Variants in CLEC1B observed in about 807,000 individuals in gnomAD.
CLEC1B encodes the protein C-type lectin domain family 1 member B.
Under a neutral mutation model 26.7 loss-of-function variants are expected in CLEC1B, and 26 were observed. That is an observed-to-expected ratio of 0.97 (90% CI 0.71 to 1.35). The LOEUF (loss-of-function observed/expected upper bound fraction) is 1.35, where lower values mean the gene tolerates loss of function less well. Among genes scored for constraint, CLEC1B ranks in the 40% most tolerant of loss-of-function variants. The probability of loss-of-function intolerance (pLI) is 0.00; values close to 1 mark genes in which losing one functional copy is unlikely to be tolerated. For synonymous variants in CLEC1B, 112 were observed against 96.0 expected, an observed-to-expected ratio of 1.17 and a Z score of -0.97; for missense variants, 293 against 282.6, an observed-to-expected ratio of 1.04 and a Z score of -0.26.
At position 9,996,851 on chromosome 12, in the gene CLEC1B, T is replaced by C. The variant is rs367906128; in HGVS notation, c.433A>G (p.Ile145Val). 1.2e-6 allele frequency: 2 copies of C among 1,613,928 alleles called. No homozygotes were observed. The highest frequency in any genetic ancestry group is 2.7e-5 in the African/African-American group (2 of 74,930). ...ATLLKIDNRN[I>V]VEYIKARTHL... is the part of the protein sequence containing the mutation. ...TGACATAAGAATCTTCTTACCACAATGTTCCGGTTGTCAATCTTCAGGAGA... is the reference window on the plus strand; with the variant it reads ...TGACATAAGAATCTTCTTACCACAACGTTCCGGTTGTCAATCTTCAGGAGA... The change falls in exon 4 of 6, where the codon ATT becomes GTT. Residue 145 changes from isoleucine to valine, a missense_variant. Transcript: ENST00000298527.
intron 4 of CLEC1B, chr12:9,995,603 T>C (rs1333505352): frequency 1.5e-5 from 5 of 342,282 alleles, no homozygotes; most frequent in Non-Finnish European, 2.8e-5. Flanking sequence ...AAGAAATACA[T>C]TGTTGATGAG....
rs202115320 is a variant in CLEC1B, at chr12:9,993,168, A to T, written c.665T>A (p.Met222Lys). Residue 222 changes from methionine (M) to lysine (K), a missense_variant, in exon 6 of 6, where the codon ATG becomes AAG. By Grantham distance (95) the Met-to-Lys change is moderately conservative (BLOSUM62 -1). Coordinates refer to ENST00000298527, the MANE Select transcript of CLEC1B (RefSeq NM_016509.4). Reference sequence around the variant, plus strand: ...TTAAGGTAGTTGGTCCACCTTGGTCATGCCAGCCTTCCTCTCACACATTAA... The same window carrying T: ...TTAAGGTAGTTGGTCCACCTTGGTCTTGCCAGCCTTCCTCTCACACATTAA... Reference protein sequence around the residue: ...HYLMCERKAGMTKVDQLP With the variant: ...HYLMCERKAGKTKVDQLP 1.1e-4 allele frequency: 181 copies of T among 1,611,636 alleles called. No homozygotes were observed. The highest frequency in any genetic ancestry group is 1.5e-4 in the Non-Finnish European group (171 of 1,178,826).
upstream of CLEC1B, among the ~76,000 whole-genome samples, chr12:10,000,622 G>A (rs1217665144): frequency 2.6e-5 from 4 of 152,138 alleles, no homozygotes; most frequent in Admixed American, 2.6e-4. Context: ...ATATTCAGGG[G>A]TTCCCAATCA....
Position 9,997,235 on chromosome 12 carries a change from T to C in CLEC1B, c.208A>G (p.Thr70Ala), listed in dbSNP as rs1230571774. ...NYLQGENENRTGTLQQLAKRF... is the reference protein window; with the variant it reads ...NYLQGENENRAGTLQQLAKRF... ...TTTGCTAATTGTTGCAGAGTTCCTG[T>C]GCGATTTTCATTCTCACCTTGTAGG... Residue 70 changes from threonine (T) to alanine (A), a missense_variant, in exon 3 of 6, where the codon ACA becomes GCA. Thr to Ala is a moderately conservative substitution (Grantham distance 58). Coordinates refer to ENST00000298527, the MANE Select transcript of CLEC1B (RefSeq NM_016509.4). The C allele has an allele frequency of 4.3e-6, 7 of 1,613,640 alleles. No homozygotes were observed. The Admixed American group carries it at 5.0e-5, about 12-fold the overall frequency.
At chr12:9,993,494 T>C (rs202000623) in intron 5 of CLEC1B, among the ~76,000 whole-genome samples, 52 of 152,238 alleles carry the variant, frequency 3.4e-4, no homozygotes, top group South Asian at 6.2e-4. Flanking sequence ...AATATCAATT[T>C]CATTTAGCAT....
upstream of CLEC1B, among the ~76,000 whole-genome samples, chr12:10,000,868 G>C (rs1187162920): frequency 6.6e-6 from 1 of 152,032 alleles, no homozygotes; most frequent in African/African-American, 2.4e-5. Flanking sequence ...CGTTCTTTTG[G>C]TCACTGCTTT....
chr12:10,001,606 T>C (rs567645365), upstream of CLEC1B, among the ~76,000 whole-genome samples: 11 of 152,304 alleles, frequency 7.2e-5, no homozygotes, highest in Middle Eastern at 6.8e-3. Context: ...CTTGATAACA[T>C]TGAGTTCTAA....
At chr12:9,998,900 T>A (rs1412254416) in intron 1 of CLEC1B, 137 bp downstream of exon 1, 1 of 558,008 alleles carries the variant, frequency 1.8e-6, no homozygotes, top group Non-Finnish European at 3.1e-6. Context: ...AAAACACTAC[T>A]CAAATGCTTT....
At chr12:9,993,396 GA>G (rs1210022004) in intron 5 of CLEC1B, 109 bp from the exon 6 acceptor site, 29 of 313,162 alleles carry the variant, frequency 9.3e-5, no homozygotes, top group East Asian at 5.1e-4. Flanking sequence ...AGGAAAATAG[GA>G]AAAAAAAACA....
chr12:9,995,205 T>C lies in CLEC1B; in HGVS notation c.480A>G (p.Gly160=). 6.2e-7 allele frequency: 1 copy of C among 1,613,192 alleles called. No individual in the cohort carries two copies. Among genetic ancestry groups the C allele is most frequent in the South Asian group, 1.1e-5 (1 of 91,082 alleles). ...KARTHLIRWV[G]LSRQKSNEVW... is the part of the protein sequence containing the mutation. ...CCTCATTCGACTTCTGGCGAGATAATCCGACCCAACGAATTAAATGAGTCC... is the reference window on the plus strand; with the variant it reads ...CCTCATTCGACTTCTGGCGAGATAACCCGACCCAACGAATTAAATGAGTCC... Residue 160 remains glycine (G), a synonymous_variant, in exon 5 of 6, where the codon GGA becomes GGG. Coordinates refer to ENST00000298527, the MANE Select transcript of CLEC1B (RefSeq NM_016509.4).
At chr12:10,000,499 T>A (rs946515885), upstream of CLEC1B, among the ~76,000 whole-genome samples, 1 of 151,418 alleles carries the variant, frequency 6.6e-6, no homozygotes, top group African/African-American at 2.4e-5. Flanking sequence ...AATTCTTAAT[T>A]AAAAAAAAAC....
At chr12:9,998,449 G>A (rs1365036790) in intron 1 of CLEC1B, 69 bp from the exon 2 acceptor site, 1 of 1,052,778 alleles carries the variant, frequency 9.5e-7, no homozygotes, top group Non-Finnish European at 1.5e-6. Context: ...GCTCACCCCT[G>A]CCCCTGCCCC....
At chr12:9,998,644 TTTTTGTTTTGTTTTG>T (rs71049030) in intron 1 of CLEC1B, among the ~76,000 whole-genome samples, 1 of 145,616 alleles carries the variant, frequency 6.9e-6, no homozygotes, top group African/African-American at 2.6e-5. Context: ...GTGTTTGTAT[TTTTTGTTTTGTTTTG>T]TTTTGTTTTG....
rs1396324945 is a variant in CLEC1B, at chr12:9,993,225, A to G, written c.608T>C (p.Met203Thr). The change falls in exon 6 of 6, where the codon ATG becomes ACG. Residue 203 changes from methionine to threonine, a missense_variant. By Grantham distance (81) the Met-to-Thr change is moderately conservative. Coordinates refer to ENST00000298527, the MANE Select transcript of CLEC1B (RefSeq NM_016509.4). ...TTTGTTCTCACAGAAGGTAGGGTGCATTTTCCCATTATGAAAATAAGCACA... is the reference window on the plus strand; with the variant it reads ...TTTGTTCTCACAGAAGGTAGGGTGCGTTTTCCCATTATGAAAATAAGCACA... ...MNCAYFHNGK[M>T]HPTFCENKHY... is the part of the protein sequence containing the mutation. 2.5e-6 allele frequency: 4 copies of G among 1,612,862 alleles called. No individual in the cohort carries two copies. Among genetic ancestry groups the G allele is most frequent in the Non-Finnish European group, 3.4e-6 (4 of 1,179,092 alleles).
rs777563676 is a variant in CLEC1B, at chr12:9,998,289, C to T, written c.156G>A (p.Gly52=). ...GGCAGAGTCAACACTTACACCAAAT[C>T]CCCAGAGCCACCAGCCCGACAACCA... ...VGMVVGLVAL[G]IWSVMQRNYL... is the part of the protein sequence containing the mutation. The change falls in exon 2 of 6, where the codon GGG becomes GGA. Residue 52 remains glycine, a synonymous_variant. Transcript: ENST00000298527. The T allele has an allele frequency of 4.3e-6, 7 of 1,613,654 alleles. No homozygotes were observed. Among genetic ancestry groups the T allele is most frequent in the East Asian group, 2.2e-5 (1 of 44,876 alleles).
Position 9,999,047 on chromosome 12 carries a change from A to T in CLEC1B, c.54T>A (p.Ala18=). Residue 18 remains alanine, a synonymous_variant, in exon 1 of 6, where the codon GCT becomes GCA. Transcript: ENST00000298527. The part of the protein sequence containing the change: ...ITLNIKTRKP[A]LISVGSASSS... Reference sequence around the variant, plus strand: ...TCTGAGCATTCTTACCGGAGATGAGAGCTGGTTTCCGAGTTTTAATATTTA... The same window carrying T: ...TCTGAGCATTCTTACCGGAGATGAGTGCTGGTTTCCGAGTTTTAATATTTA... The T allele has an allele frequency of 6.3e-7, 1 of 1,598,164 alleles. No individual in the cohort carries two copies. The highest frequency in any genetic ancestry group is 8.6e-7 in the Non-Finnish European group (1 of 1,167,130).
intron 2 of CLEC1B, 25 bp from the exon 3 acceptor site, chr12:9,997,304 T>C: frequency 1.3e-6 from 2 of 1,583,132 alleles, no homozygotes; most frequent in East Asian, 2.3e-5. Context: ...TAAATAATAA[T>C]AATTTGTAAT....
chr12:9,996,891 A>G lies in CLEC1B; in HGVS notation c.393T>C (p.Thr131=), dbSNP rs1865063015. The part of the protein sequence containing the change: ...LTWEESKQYC[T]DMNATLLKID... ...TCTTCAGGAGAGTAGCATTCATGTC[A>G]GTGCAGTACTGCTTACTCTCTTCCC... The change falls in exon 4 of 6, where the codon ACT becomes ACC. Residue 131 remains threonine (T), a synonymous_variant. Transcript: ENST00000298527. 1 of 1,613,966 alleles carries G rather than the reference A, an allele frequency of 6.2e-7. No individual in the cohort carries two copies.
rs772928618 is a variant in CLEC1B, at chr12:9,993,188, C to A, written c.645G>T (p.Met215Ile). 6.2e-7 allele frequency: 1 copy of A among 1,612,376 alleles called. No homozygotes were observed. Among genetic ancestry groups the A allele is most frequent in the Non-Finnish European group, 8.5e-7 (1 of 1,179,148 alleles). Residue 215 changes from methionine (M) to isoleucine (I), a missense_variant, in exon 6 of 6, where the codon ATG becomes ATT. Met to Ile is a conservative substitution (Grantham distance 10). Coordinates refer to ENST00000298527, the MANE Select transcript of CLEC1B (RefSeq NM_016509.4). ...PTFCENKHYL[M>I]CERKAGMTKV... ...TGGTCATGCCAGCCTTCCTCTCACA[C>A]ATTAAATAATGTTTGTTCTCACAGA... is the stretch of plus-strand genomic sequence containing the variant.
Sources: gnomAD v4.1 joint callset for allele counts (sites outside exome capture counted in the v4.1 genomes callset) on GRCh38, gnomAD v4.1.1 for gene constraint, MANE v1.5 for transcripts, NCBI Gene and HGNC (gene_info 2026-07-23, HGNC 2026-07-21) for gene names.